The following PRELID2 variants were observed in gnomAD, a reference collection of about 807,000 sequenced individuals.
The protein encoded by PRELID2 is PRELI domain containing 2.
Under a neutral mutation model 28.4 loss-of-function variants are expected in PRELID2, and 25 were observed. The observed-to-expected ratio is 0.88, with a 90% confidence interval of 0.64 to 1.23. The LOEUF is 1.23. Ranked by LOEUF, PRELID2 falls within the 50% of genes most tolerant of loss-of-function variation. PRELID2 has a pLI of 0.00. For missense variants in PRELID2, 201 were observed against 214.4 expected (o/e 0.94, Z 0.39); for synonymous variants, 76 against 71.6 (o/e 1.06, Z -0.31).
the PRELID2 span, among the ~76,000 whole-genome samples, chr5:145,236,393 C>T: frequency 2.6e-5 from 4 of 152,156 alleles, no homozygotes; most frequent in East Asian, 5.8e-4. Flanking sequence ...ATAGCTGTTA[C>T]TAACGCTGTG....
intron 1 of PRELID2, among the ~76,000 whole-genome samples, chr5:145,737,332 G>A (rs929740568): frequency 6.6e-6 from 1 of 151,866 alleles, no homozygotes; most frequent in Non-Finnish European, 1.5e-5. Flanking sequence ...AGAAATAAAG[G>A]AAAAGTGGAA....
chr5:145,396,049 T>A, the PRELID2 span, among the ~76,000 whole-genome samples: 1 of 152,142 alleles, frequency 6.6e-6, no homozygotes. Context: ...GAAATGATTC[T>A]GGAAAACAGA....
the PRELID2 span, among the ~76,000 whole-genome samples, chr5:145,247,538 T>G: frequency 6.6e-6 from 1 of 152,156 alleles, no homozygotes; most frequent in Non-Finnish European, 1.5e-5. Flanking sequence ...TTCTATGGTC[T>G]TCTGTCCTAC....
chr5:145,385,590 A>G, the PRELID2 span, among the ~76,000 whole-genome samples: 1 of 152,108 alleles, frequency 6.6e-6, no homozygotes, highest in African/African-American at 2.4e-5. Context: ...CAACTCATAC[A>G]TTTTTCACTA....
chr5:145,710,767 A>G (rs1053259053), intron 1 of PRELID2, among the ~76,000 whole-genome samples: 2 of 152,238 alleles, frequency 1.3e-5, no homozygotes, highest in African/African-American at 2.4e-5. Flanking sequence ...AGTAGCAGAA[A>G]TGAATAAGGG....
chr5:145,527,905 C>T (rs748901786), intron 1 of PRELID2, among the ~76,000 whole-genome samples: 14 of 152,230 alleles, frequency 9.2e-5, no homozygotes, highest in East Asian at 1.9e-4. Flanking sequence ...AAGGCTGCCA[C>T]GTATCATTTC....
At chr5:145,409,969 A>G in the PRELID2 span, among the ~76,000 whole-genome samples, 1 of 152,218 alleles carries the variant, frequency 6.6e-6, no homozygotes, top group South Asian at 2.1e-4. Context: ...AGGCACATAG[A>G]CCAATGGAAC....
At chr5:145,465,258 C>T in the PRELID2 span, among the ~76,000 whole-genome samples, 272 of 152,212 alleles carry the variant, frequency 1.8e-3, 5 homozygotes, top group East Asian at 0.042. Flanking sequence ...TCAGGCCCCA[C>T]CCATCAAAGA....
chr5:145,305,841 A>G, the PRELID2 span, among the ~76,000 whole-genome samples: 1 of 152,208 alleles, frequency 6.6e-6, no homozygotes, highest in African/African-American at 2.4e-5. Context: ...ACAGGCCCCC[A>G]GGGAAATGCT....
chr5:145,683,864 A>G (rs1227307693), intron 1 of PRELID2, among the ~76,000 whole-genome samples: 2 of 152,166 alleles, frequency 1.3e-5, no homozygotes, highest in South Asian at 2.1e-4. Context: ...GATTGTATAG[A>G]ACAGCAGAGT....
chr5:145,443,820 G>T, the PRELID2 span, among the ~76,000 whole-genome samples: 3 of 152,048 alleles, frequency 2.0e-5, no homozygotes, highest in African/African-American at 7.2e-5. Flanking sequence ...AGCAGAGCCA[G>T]AAATTAAAGT....
intron 2 of PRELID2, among the ~76,000 whole-genome samples, chr5:145,821,756 G>A (rs1754848323): frequency 6.6e-6 from 1 of 152,154 alleles, no homozygotes; most frequent in East Asian, 1.9e-4. Flanking sequence ...ACTCCCAAAG[G>A]CAAAGATGCC....
intron 1 of PRELID2, among the ~76,000 whole-genome samples, chr5:145,747,514 T>C (rs1757022855): frequency 6.6e-6 from 1 of 152,154 alleles, no homozygotes. Flanking sequence ...TAACAAGTTC[T>C]GAAATTGAGG....
At chr5:145,389,795 G>A in the PRELID2 span, among the ~76,000 whole-genome samples, 3 of 152,270 alleles carry the variant, frequency 2.0e-5, no homozygotes, top group South Asian at 6.2e-4. Flanking sequence ...AGAGGCTAAG[G>A]TGGTATACGA....
chr5:145,256,804 A>G, the PRELID2 span, among the ~76,000 whole-genome samples: 1 of 152,034 alleles, frequency 6.6e-6, no homozygotes, highest in Non-Finnish European at 1.5e-5. Context: ...TAATCAGAAA[A>G]GTAGTTGAGG....
At chr5:145,457,998 CTCAACCCTTA>C in the PRELID2 span, among the ~76,000 whole-genome samples, 1 of 152,140 alleles carries the variant, frequency 6.6e-6, no homozygotes, top group Non-Finnish European at 1.5e-5. Context: ...TCATTAGATT[CTCAACCCTTA>C]TTATTCAAAA....
the PRELID2 span, among the ~76,000 whole-genome samples, chr5:145,425,199 A>G: frequency 6.6e-6 from 1 of 152,226 alleles, no homozygotes; most frequent in African/African-American, 2.4e-5. Flanking sequence ...AATCAAAACC[A>G]CAAAGAGATA....
chr5:145,393,020 T>G, the PRELID2 span, among the ~76,000 whole-genome samples: 1 of 152,212 alleles, frequency 6.6e-6, no homozygotes, highest in Non-Finnish European at 1.5e-5. Flanking sequence ...CTACTTTACC[T>G]GGCGAAGCAC....
chr5:145,522,233 A>G (rs979948771), intron 1 of PRELID2, among the ~76,000 whole-genome samples: 1 of 152,222 alleles, frequency 6.6e-6, no homozygotes, highest in Non-Finnish European at 1.5e-5. Context: ...TATTTGAACT[A>G]TATCTATCCA....
Sources: allele counts gnomAD v4.1 joint callset (sites outside exome capture counted in the v4.1 genomes callset), GRCh38; gene constraint gnomAD v4.1.1; transcripts MANE v1.5; gene names NCBI Gene and HGNC (gene_info 2026-07-23, HGNC 2026-07-21).